LRRIQ3: variants seen among roughly 807,000 people sequenced by gnomAD.
LRRIQ3 encodes leucine rich repeats and IQ motif containing 3.
A neutral mutation model predicts 59.3 loss-of-function variants in LRRIQ3; 75 were observed. The ratio of observed to expected loss-of-function variants is 1.26; its 90% CI spans 1.05 to 1.53. The LOEUF (loss-of-function observed/expected upper bound fraction) is 1.53, where lower values mean the gene tolerates loss of function less well. Ranked by LOEUF, LRRIQ3 falls within the 40% of genes most tolerant of loss-of-function variation. The pLI, the probability that LRRIQ3 is intolerant of heterozygous loss-of-function variation, is 0.00. For synonymous variants in LRRIQ3, 250 were observed against 231.3 expected (o/e 1.08, Z -0.73); for missense variants, 831 against 710.0 (o/e 1.17, Z -1.94).
intron 4 of LRRIQ3, among the ~76,000 whole-genome samples, chr1:74,113,270 AC>A (rs1435992817): frequency 5.3e-5 from 8 of 152,096 alleles, no homozygotes; most frequent in African/African-American, 1.9e-4. Flanking sequence ...GAACAGACCC[AC>A]AAAAAGTTGA....
chr1:74,154,381 T>C (rs1648196992), intron 4 of LRRIQ3, among the ~76,000 whole-genome samples: 2 of 151,878 alleles, frequency 1.3e-5, no homozygotes, highest in African/African-American at 4.8e-5. Flanking sequence ...CTTTACAATT[T>C]TACAGATAAA....
intron 6 of LRRIQ3, among the ~76,000 whole-genome samples, chr1:74,051,841 G>A (rs1225930689): frequency 6.6e-6 from 1 of 152,000 alleles, no homozygotes; most frequent in Non-Finnish European, 1.5e-5. Context: ...CTTTTATACA[G>A]TTTGCCTTCG....
Position 74,026,931 on chromosome 1 carries a change from A to C in LRRIQ3, c.1757T>G (p.Phe586Cys), listed in dbSNP as rs749292607. ...EIYKRHCEEKFVMDMIAFEKA... is the reference protein window; with the variant it reads ...EIYKRHCEEKCVMDMIAFEKA... ...TTCAAAGGCAATCATATCCATAACAAATTTTTCTTCACAATGTCTTTTATA... is the reference window on the plus strand; with the variant it reads ...TTCAAAGGCAATCATATCCATAACACATTTTTCTTCACAATGTCTTTTATA... Residue 586 changes from phenylalanine to cysteine, a missense_variant, in exon 8 of 8, where the codon TTT becomes TGT. Phe to Cys is a radical substitution (Grantham distance 205, BLOSUM62 -2). Coordinates refer to ENST00000354431, the MANE Select transcript of LRRIQ3 (RefSeq NM_001105659.2). 15 of 1,587,320 alleles carry C rather than the reference A, an allele frequency of 9.4e-6. No individual in the cohort carries two copies. Among genetic ancestry groups the C allele is most frequent in the Middle Eastern group, 1.7e-4 (1 of 5,952 alleles).
At chr1:74,038,764 AAAC>A (rs1161495902) in intron 7 of LRRIQ3, among the ~76,000 whole-genome samples, 2 of 152,200 alleles carry the variant, frequency 1.3e-5, no homozygotes, top group African/African-American at 2.4e-5. Context: ...ATCAAACAGA[AAAC>A]AACAACAATA....
intron 7 of LRRIQ3, among the ~76,000 whole-genome samples, chr1:74,036,692 C>A (rs1653883705): frequency 6.6e-6 from 1 of 152,140 alleles, no homozygotes; most frequent in South Asian, 2.1e-4. Flanking sequence ...TTTTCAGTTT[C>A]TTGGGCCAAA....
At chr1:74,063,179 A>G (rs1415160754) in intron 6 of LRRIQ3, among the ~76,000 whole-genome samples, 1 of 151,980 alleles carries the variant, frequency 6.6e-6, no homozygotes, top group African/African-American at 2.4e-5. Flanking sequence ...TTCCTAATTT[A>G]CACGTATTTG....
chr1:74,038,681 A>G (rs1653948091), intron 7 of LRRIQ3, among the ~76,000 whole-genome samples: 1 of 152,242 alleles, frequency 6.6e-6, no homozygotes, highest in Non-Finnish European at 1.5e-5. Flanking sequence ...CCAGATGAAT[A>G]GTGCTTGAAG....
At chr1:74,094,491 T>A (rs1570102014) in intron 5 of LRRIQ3, among the ~76,000 whole-genome samples, 1 of 152,144 alleles carries the variant, frequency 6.6e-6, no homozygotes, top group Non-Finnish European at 1.5e-5. Flanking sequence ...TTCCAGAAAC[T>A]AGACTAGGCA....
At chr1:74,195,581 T>C (rs986289186) in intron 1 of LRRIQ3, among the ~76,000 whole-genome samples, 5 of 152,204 alleles carry the variant, frequency 3.3e-5, no homozygotes, top group African/African-American at 9.6e-5. Flanking sequence ...TTCTTCCTTA[T>C]GGCAGCTCTT....
At chr1:74,118,819 C>A in intron 4 of LRRIQ3, among the ~76,000 whole-genome samples, 1 of 152,052 alleles carries the variant, frequency 6.6e-6, no homozygotes. Flanking sequence ...AATCTCAATT[C>A]CAACTCTGCA....
At chr1:74,038,166 C>A (rs1210278946) in intron 7 of LRRIQ3, among the ~76,000 whole-genome samples, 3 of 152,162 alleles carry the variant, frequency 2.0e-5, no homozygotes, top group African/African-American at 7.2e-5. Flanking sequence ...GAGGTATCCC[C>A]CACAGCCCAA....
chr1:74,071,162 G>T (rs190084252), intron 6 of LRRIQ3, among the ~76,000 whole-genome samples: 196 of 151,636 alleles, frequency 1.3e-3, no homozygotes, highest in African/African-American at 4.6e-3. Flanking sequence ...ATCTATCTAT[G>T]TAGTTATATA....
At chr1:74,044,126 T>C (rs966950834) in intron 6 of LRRIQ3, among the ~76,000 whole-genome samples, 1 of 152,168 alleles carries the variant, frequency 6.6e-6, no homozygotes, top group African/African-American at 2.4e-5. Context: ...AGGATCGAAC[T>C]TGATATAACC....
intron 4 of LRRIQ3, among the ~76,000 whole-genome samples, chr1:74,154,485 A>G (rs796150942): frequency 5.3e-5 from 8 of 152,174 alleles, no homozygotes; most frequent in African/African-American, 1.9e-4. Context: ...GAACCCTGCC[A>G]TATATTATTA....
chr1:74,133,072 A>T (rs1250423716), intron 4 of LRRIQ3, among the ~76,000 whole-genome samples: 1 of 152,218 alleles, frequency 6.6e-6, no homozygotes, highest in African/African-American at 2.4e-5. Context: ...GACACTTCTC[A>T]AAAGAAGACA....
At chr1:74,126,028 T>C (rs1185001514) in intron 4 of LRRIQ3, among the ~76,000 whole-genome samples, 1 of 151,882 alleles carries the variant, frequency 6.6e-6, no homozygotes, top group East Asian at 1.9e-4. Context: ...TTCGATCTTA[T>C]TACTTGTTTT....
chr1:74,039,949 G>C (rs557109663), intron 7 of LRRIQ3, among the ~76,000 whole-genome samples: 6 of 152,184 alleles, frequency 3.9e-5, no homozygotes, highest in African/African-American at 1.2e-4. Context: ...TTAACCTAAA[G>C]TGTAAATGGG....
intron 4 of LRRIQ3, among the ~76,000 whole-genome samples, chr1:74,143,284 C>A (rs1009433478): frequency 6.6e-6 from 1 of 151,754 alleles, no homozygotes; most frequent in East Asian, 1.9e-4. Context: ...GTTATTGATT[C>A]TTTAATAGTA....
chr1:74,198,069 TG>T lies in LRRIQ3; in HGVS notation c.-75del. The T allele has an allele frequency of 9.6e-7, 1 of 1,046,566 alleles. No homozygotes were observed. The highest frequency in any genetic ancestry group is 1.3e-6 in the Non-Finnish European group (1 of 752,084). 64.8% of individuals were successfully genotyped at this position (1,046,566 alleles called of 1,614,324 possible). A position where few individuals can be genotyped will look rare whatever the true frequency, so the allele number is the denominator to read the frequency against. ...GCCCCAACACAGTCAGACAAATCGC[TG>T]GGCGGCCATCTGCTCCTGAGACCGT... On this transcript the variant is annotated 5_prime_UTR_variant, in exon 1 of 8. An upstream open reading frame in the 5' UTR loses its in-frame stop. Transcript: ENST00000354431.
Sources: gnomAD v4.1 joint callset for allele counts (sites outside exome capture counted in the v4.1 genomes callset) on GRCh38, gnomAD v4.1.1 for gene constraint, MANE v1.5 for transcripts, NCBI Gene and HGNC (gene_info 2026-07-23, HGNC 2026-07-21) for gene names.